Variants in DIAPH2 observed in about 807,000 individuals in gnomAD.
DIAPH2 encodes the protein protein diaphanous homolog 2.
DIAPH2 carries 35 observed loss-of-function variants against 92.7 expected under a neutral mutation model. That is an observed-to-expected ratio of 0.38 (90% CI 0.29 to 0.50). The LOEUF is 0.50. Among genes scored for constraint, DIAPH2 ranks in the 20% least tolerant of loss-of-function variants. DIAPH2 has a pLI of 0.94. For synonymous variants in DIAPH2, 301 were observed against 280.4 expected (o/e 1.07, Z -0.73); for missense variants, 701 against 819.5 (o/e 0.86, Z 1.77).
In DIAPH2 at chrX:97,100,347, G is replaced by A. The variant is rs182394864; in HGVS notation, c.2349+552G>A. Among the ~76,000 whole-genome samples the A allele has an allele frequency of 1.7e-3, 192 of 111,604 alleles. 2 individuals carry two copies. Among genetic ancestry groups the A allele is most frequent in the Non-Finnish European group, 3.2e-3 (171 of 53,065 alleles). ...ATACATCATGTCTTTAAATCATCAT[G>A]TAGTTAAATTATTATTGGAATGAAT... On this transcript the variant is annotated intron_variant, in intron 20 of 26. Coordinates refer to ENST00000324765, the MANE Select transcript of DIAPH2 (RefSeq NM_006729.5).
At chrX:96,917,896 T>G (rs1209584926) in intron 8 of DIAPH2, among the ~76,000 whole-genome samples, 1 of 111,549 alleles carries the variant, frequency 9.0e-6, no homozygotes, top group Non-Finnish European at 1.9e-5. Context: ...CTGTTAACAA[T>G]TATAGGTGTC....
At chrX:97,498,845 C>T (rs370310694) in intron 26 of DIAPH2, among the ~76,000 whole-genome samples, 20 of 111,684 alleles carry the variant, frequency 1.8e-4, no homozygotes, top group East Asian at 8.5e-4. Context: ...AATGTGGTGT[C>T]AGTAGCATAT....
At chrX:97,178,117 TG>T (rs1265882072) in intron 22 of DIAPH2, among the ~76,000 whole-genome samples, 2 of 109,421 alleles carry the variant, frequency 1.8e-5, no homozygotes, top group Non-Finnish European at 3.8e-5. Context: ...CTGCTGGGGA[TG>T]GGGGGCCTTG....
intron 24 of DIAPH2, among the ~76,000 whole-genome samples, chrX:97,376,197 G>A (rs1286589139): frequency 9.0e-6 from 1 of 111,188 alleles, no homozygotes; most frequent in Non-Finnish European, 1.9e-5. Context: ...TGAAACTTGA[G>A]TAAAATGATG....
intron 3 of DIAPH2, among the ~76,000 whole-genome samples, chrX:96,739,758 C>T (rs1193078928): frequency 2.7e-5 from 3 of 112,048 alleles, no homozygotes; most frequent in Non-Finnish European, 5.6e-5. Flanking sequence ...TCCCCTGAAA[C>T]GAGTCCTGAC....
intron 21 of DIAPH2, among the ~76,000 whole-genome samples, chrX:97,127,015 T>C (rs1315283960): frequency 8.9e-6 from 1 of 112,670 alleles, no homozygotes; most frequent in East Asian, 2.8e-4. Context: ...CTTCTCAAGT[T>C]CCTAACATCT....
intron 1 of DIAPH2, among the ~76,000 whole-genome samples, chrX:96,716,323 CAG>C (rs2063950142): frequency 9.0e-6 from 1 of 111,349 alleles, no homozygotes; most frequent in African/African-American, 3.3e-5. Context: ...CAATAGTAAT[CAG>C]AGTTTATTGT....
At chrX:97,104,459 C>T (rs2066925750) in intron 20 of DIAPH2, among the ~76,000 whole-genome samples, 1 of 109,986 alleles carries the variant, frequency 9.1e-6, no homozygotes, top group African/African-American at 3.3e-5. Context: ...CGAGATCATA[C>T]CTCACTGCAG....
At chrX:97,318,242 G>A (rs1405958171) in intron 23 of DIAPH2, among the ~76,000 whole-genome samples, 7 of 108,511 alleles carry the variant, frequency 6.5e-5, no homozygotes, top group African/African-American at 2.4e-4. Flanking sequence ...AGGTTCAAGC[G>A]ATTCTCCTGC....
At chrX:97,539,134 G>A (rs1251780862) in intron 26 of DIAPH2, among the ~76,000 whole-genome samples, 1 of 111,280 alleles carries the variant, frequency 9.0e-6, no homozygotes, top group Admixed American at 9.6e-5. Flanking sequence ...TTTCTATATA[G>A]CTTACCCTCC....
At chrX:97,151,779 G>A (rs2067287813) in intron 22 of DIAPH2, among the ~76,000 whole-genome samples, 1 of 111,502 alleles carries the variant, frequency 9.0e-6, no homozygotes, top group Admixed American at 9.6e-5. Flanking sequence ...GCTCATTGTG[G>A]ATTTAAGCTT....
chrX:97,564,659 T>C (rs779666442), intron 26 of DIAPH2: 19 of 111,787 alleles, frequency 1.7e-4, no homozygotes, highest in Non-Finnish European at 3.2e-4. Context: ...AAGAATTAAG[T>C]TTCAACATAA....
At chrX:96,932,558 A>G (rs1262714535) in intron 10 of DIAPH2, among the ~76,000 whole-genome samples, 1 of 111,089 alleles carries the variant, frequency 9.0e-6, no homozygotes, top group African/African-American at 3.3e-5. Context: ...ACACTTTTCC[A>G]TTGGCCATAT....
chrX:97,368,527 G>A (rs1602540357), intron 24 of DIAPH2, among the ~76,000 whole-genome samples: 1 of 111,486 alleles, frequency 9.0e-6, no homozygotes, highest in East Asian at 2.8e-4. Flanking sequence ...TTAAATTTTA[G>A]CAAAACACAT....
At chrX:97,259,259 G>A (rs370664901) in intron 23 of DIAPH2, among the ~76,000 whole-genome samples, 9 of 109,934 alleles carry the variant, frequency 8.2e-5, no homozygotes, top group South Asian at 4.0e-4. Flanking sequence ...CCCAGGAGGC[G>A]GAGGTTGCAG....
chrX:97,330,874 C>T (rs1390847322), intron 23 of DIAPH2, among the ~76,000 whole-genome samples: 2 of 110,521 alleles, frequency 1.8e-5, no homozygotes, highest in Non-Finnish European at 3.8e-5. Context: ...ACCACATTTT[C>T]TTTATTCCTT....
chrX:97,421,624 G>A, intron 25 of DIAPH2, among the ~76,000 whole-genome samples: 2 of 111,824 alleles, frequency 1.8e-5, no homozygotes, highest in Admixed American at 1.9e-4. Context: ...CCATCTGACT[G>A]TACCTAGAGT....
chrX:97,067,249 G>A (rs907886012), intron 17 of DIAPH2, among the ~76,000 whole-genome samples: 12 of 112,010 alleles, frequency 1.1e-4, no homozygotes, highest in Non-Finnish European at 2.1e-4. Flanking sequence ...ATCTTTACCA[G>A]CATTTTTAAT....
chrX:97,342,257 G>A (rs1019337292), intron 23 of DIAPH2, among the ~76,000 whole-genome samples: 2 of 112,017 alleles, frequency 1.8e-5, no homozygotes, highest in Admixed American at 1.9e-4. Context: ...AGGGATTTCA[G>A]GTTTTTAAGT....
Sources: gnomAD v4.1 joint callset for allele counts (sites outside exome capture counted in the v4.1 genomes callset) on GRCh38, gnomAD v4.1.1 for gene constraint, MANE v1.5 for transcripts, NCBI Gene and HGNC (gene_info 2026-07-23, HGNC 2026-07-21) for gene names.